The following MAPDA variants were observed in gnomAD, a reference collection of about 807,000 sequenced individuals.
MAPDA encodes N6-Methyl-AMP deaminase, also known as N6,N6-dimethyl-AMP deaminase.
the MAPDA span, chr15:43,336,694 A>C: frequency 6.5e-7 from 1 of 1,531,572 alleles, no homozygotes. Flanking sequence ...ATGGTAAGAC[A>C]TGAAGGAATT....
the MAPDA span, chr15:43,331,897 C>T: frequency 1.3e-5 from 2 of 152,140 alleles, no homozygotes; most frequent in Admixed American, 1.3e-4. Flanking sequence ...GTTTTGTTTT[C>T]AGGTGGAAGC....
chr15:43,339,939 C>T, the MAPDA span, among the ~76,000 whole-genome samples: 2 of 152,114 alleles, frequency 1.3e-5, no homozygotes, highest in African/African-American at 2.4e-5. Flanking sequence ...TTTAGTTTTG[C>T]ACCATTTCTC....
At chr15:43,351,710 C>T in the MAPDA span, 1 of 1,483,524 alleles carries the variant, frequency 6.7e-7, no homozygotes, top group Non-Finnish European at 9.0e-7. Context: ...TTGAAAAATC[C>T]TTCCTTTTTC....
the MAPDA span, chr15:43,340,203 CACATTCATTGGGACCCTTACCCAA>C: frequency 7.1e-7 from 1 of 1,402,792 alleles, no homozygotes; most frequent in Non-Finnish European, 1.0e-6. Context: ...TAGCACTTGG[CACATTCATTGGGACCCTTACCCAA>C]ACATTATCAA....
chr15:43,333,871 C>G, the MAPDA span, among the ~76,000 whole-genome samples: 1 of 152,218 alleles, frequency 6.6e-6, no homozygotes, highest in East Asian at 1.9e-4. Flanking sequence ...GTTTGAAAAT[C>G]ACTAAATTTC....
the MAPDA span, among the ~76,000 whole-genome samples, chr15:43,341,078 T>C: frequency 6.6e-6 from 1 of 152,210 alleles, no homozygotes; most frequent in Non-Finnish European, 1.5e-5. Flanking sequence ...CCTGAGATCC[T>C]CCTTCTATAA....
At chr15:43,333,256 T>G in the MAPDA span, 1 of 151,716 alleles carries the variant, frequency 6.6e-6, no homozygotes, top group Admixed American at 6.6e-5. Context: ...CAAAAAAAAT[T>G]TTATATAAAA....
At chr15:43,338,709 A>G in the MAPDA span, among the ~76,000 whole-genome samples, 1 of 152,234 alleles carries the variant, frequency 6.6e-6, no homozygotes, top group East Asian at 1.9e-4. Context: ...CTCAGTACCT[A>G]CCGCACTACC....
At chr15:43,340,211 T>G in the MAPDA span, 3 of 1,508,490 alleles carry the variant, frequency 2.0e-6, no homozygotes, top group Admixed American at 1.8e-5. Flanking sequence ...GGCACATTCA[T>G]TGGGACCCTT....
chr15:43,348,881 G>A, the MAPDA span: 1 of 1,608,086 alleles, frequency 6.2e-7, no homozygotes, highest in Non-Finnish European at 8.5e-7. Context: ...AGAGGCCATT[G>A]ATCCCCTTTC....
chr15:43,341,616 A>G, the MAPDA span, among the ~76,000 whole-genome samples: 1 of 151,802 alleles, frequency 6.6e-6, no homozygotes, highest in Non-Finnish European at 1.5e-5. Context: ...AGGCAGGAGG[A>G]TCACTTGACG....
chr15:43,334,661 A>ATATATATATATATATATATT, the MAPDA span, among the ~76,000 whole-genome samples: 2 of 117,104 alleles, frequency 1.7e-5, no homozygotes, highest in Non-Finnish European at 1.8e-5. Context: ...ATATATATAT[A>ATATATATATATATATATATT]TATTTTATCC....
the MAPDA span, among the ~76,000 whole-genome samples, chr15:43,332,760 T>C: frequency 6.6e-6 from 1 of 152,108 alleles, no homozygotes; most frequent in East Asian, 1.9e-4. Flanking sequence ...AGTTCCCTTT[T>C]GGGGGAGTAG....
the MAPDA span, chr15:43,352,987 C>G: frequency 1.3e-5 from 2 of 151,770 alleles, no homozygotes; most frequent in Middle Eastern, 3.4e-3. Context: ...ACTCTGTTCC[C>G]CAGGCTGGAG....
chr15:43,352,077 A>C, the MAPDA span: 1 of 845,266 alleles, frequency 1.2e-6, no homozygotes, highest in Non-Finnish European at 1.8e-6. Context: ...CCAGCACCTT[A>C]CACATGGCAG....
chr15:43,331,206 CTCTT>C, the MAPDA span, among the ~76,000 whole-genome samples: 8 of 152,234 alleles, frequency 5.3e-5, no homozygotes, highest in Admixed American at 3.3e-4. Context: ...CACTCAGCCT[CTCTT>C]TCTCATCACA....
the MAPDA span, chr15:43,340,215 G>A: frequency 1.3e-6 from 2 of 1,524,714 alleles, no homozygotes; most frequent in Non-Finnish European, 9.0e-7. Context: ...CATTCATTGG[G>A]ACCCTTACCC....
chr15:43,335,254 G>T, the MAPDA span: 1 of 1,473,370 alleles, frequency 6.8e-7, no homozygotes, highest in Non-Finnish European at 9.4e-7. Flanking sequence ...GTAAATTTTG[G>T]CTGGGCGCAG....
the MAPDA span, among the ~76,000 whole-genome samples, chr15:43,350,130 G>A: frequency 0.22 from 33,013 of 151,912 alleles, 5,419 homozygotes; most frequent in African/African-American, 0.46. Flanking sequence ...GTGCAGTGGC[G>A]CGATAGCTCA....
Sources: gnomAD v4.1 joint callset for allele counts (sites outside exome capture counted in the v4.1 genomes callset) on GRCh38, gnomAD v4.1.1 for gene constraint, MANE v1.5 for transcripts, NCBI Gene and HGNC (gene_info 2026-07-23, HGNC 2026-07-21) for gene names.